MED12L: variants seen among roughly 807,000 people sequenced by gnomAD.
MED12L encodes mediator of RNA polymerase II transcription subunit 12-like protein.
Under a neutral mutation model 281.3 loss-of-function variants are expected in MED12L, and 60 were observed. That is an observed-to-expected ratio of 0.21 (90% confidence interval 0.17 to 0.26). The LOEUF (loss-of-function observed/expected upper bound fraction) is 0.26, where lower values mean the gene tolerates loss of function less well. MED12L is among the 10% of genes least tolerant of loss of function. MED12L has a pLI of 1.00. For synonymous variants in MED12L, 974 were observed against 987.2 expected (o/e 0.99, Z 0.25); for missense variants, 2,146 against 2,680.9 (o/e 0.80, Z 4.41).
At chr3:151,206,739 G>A (rs1484059539) in intron 16 of MED12L, among the ~76,000 whole-genome samples, 4 of 133,100 alleles carry the variant, frequency 3.0e-5, no homozygotes, top group Non-Finnish European at 4.6e-5. Flanking sequence ...CCGTCTCCCA[G>A]GTTCACGCCG....
At chr3:151,244,743 C>A (rs373711255) in intron 16 of MED12L, among the ~76,000 whole-genome samples, 316 of 151,870 alleles carry the variant, frequency 2.1e-3, no homozygotes, top group Middle Eastern at 6.8e-3. Flanking sequence ...CAAAAGCTAG[C>A]AGAAGGCAAG....
rs192075834 is a variant in MED12L at position 151,335,337 on chromosome 3, G to T, written c.2251-14722G>T. Among the ~76,000 whole-genome samples, 586 of 152,126 alleles carry T rather than the reference G, an allele frequency of 3.9e-3. 5 individuals carry two copies. Among genetic ancestry groups the T allele is most frequent in the African/African-American group, 0.014 (569 of 41,496 alleles). On this transcript the variant is annotated intron_variant, in intron 16 of 44. Coordinates refer to ENST00000687756, the MANE Select transcript of MED12L (RefSeq NM_001393769.1). Reference sequence around the variant, plus strand: ...TCTCATAAATATGTACAGTTATTATGTATCCATAACAATTAAAAACAAAAA... The same window carrying T: ...TCTCATAAATATGTACAGTTATTATTTATCCATAACAATTAAAAACAAAAA...
intron 16 of MED12L, among the ~76,000 whole-genome samples, chr3:151,247,085 T>A (rs1012066262): frequency 5.9e-5 from 9 of 152,092 alleles, no homozygotes; most frequent in Non-Finnish European, 1.0e-4. Context: ...ACCAGTTAGA[T>A]TGGCAATAAT....
intron 2 of MED12L, among the ~76,000 whole-genome samples, chr3:151,088,924 C>T (rs1018585608): frequency 1.3e-5 from 2 of 152,134 alleles, no homozygotes; most frequent in African/African-American, 4.8e-5. Context: ...AATGTTTTAA[C>T]TCTCCCAAGC....
chr3:151,272,744 T>A (rs1003356562), intron 16 of MED12L, among the ~76,000 whole-genome samples: 2 of 152,020 alleles, frequency 1.3e-5, no homozygotes, highest in Non-Finnish European at 2.9e-5. Flanking sequence ...AGTTGTAGAT[T>A]TTCTTCCTTG....
At chr3:151,118,675 T>G (rs1441960994) in intron 3 of MED12L, among the ~76,000 whole-genome samples, 1 of 150,606 alleles carries the variant, frequency 6.6e-6, no homozygotes, top group Admixed American at 6.6e-5. Flanking sequence ...TGAGACGTAT[T>G]CCAGGTTTAT....
chr3:151,297,190 C>T (rs1745216517), intron 16 of MED12L, among the ~76,000 whole-genome samples: 1 of 152,214 alleles, frequency 6.6e-6, no homozygotes, highest in African/African-American at 2.4e-5. Flanking sequence ...ATCTATATCA[C>T]TGCTGCCAGT....
chr3:151,323,028 A>C (rs1032407342), intron 16 of MED12L, among the ~76,000 whole-genome samples: 1 of 152,198 alleles, frequency 6.6e-6, no homozygotes, highest in Non-Finnish European at 1.5e-5. Flanking sequence ...ATGACCTAGC[A>C]AATCGTTCAA....
At chr3:151,271,850 T>C (rs781188436) in intron 16 of MED12L, among the ~76,000 whole-genome samples, 1 of 152,198 alleles carries the variant, frequency 6.6e-6, no homozygotes, top group South Asian at 2.1e-4. Flanking sequence ...AAATTAGGAA[T>C]GTAGATGGCT....
At chr3:151,376,448 G>C (rs1756865868) in intron 28 of MED12L, among the ~76,000 whole-genome samples, 1 of 152,098 alleles carries the variant, frequency 6.6e-6, no homozygotes, top group South Asian at 2.1e-4. Flanking sequence ...GTATTTACAT[G>C]AGAAATATGC....
rs768928367 is a variant in MED12L, at chr3:151,365,234, A to T, written c.3185+28A>T. ...GAGATGGGTTACCCTGGAATTCATG[A>T]TTAACCAAAGAGTTGTTGCCTTGGT... On this transcript the variant is annotated intron_variant, in intron 22 of 44. Transcript: ENST00000687756. 11 of 1,577,716 alleles carry T rather than the reference A, an allele frequency of 7.0e-6. No homozygotes were observed. The East Asian group carries it at 2.2e-4, about 32-fold the overall frequency.
chr3:151,288,377 G>C (rs953008477), intron 16 of MED12L, among the ~76,000 whole-genome samples: 18 of 152,160 alleles, frequency 1.2e-4, no homozygotes, highest in African/African-American at 4.3e-4. Flanking sequence ...ATAGACACCA[G>C]CCTAATTTTT....
chr3:151,180,379 T>C (rs898032463), intron 11 of MED12L, among the ~76,000 whole-genome samples: 14 of 152,224 alleles, frequency 9.2e-5, no homozygotes, highest in African/African-American at 3.4e-4. Context: ...TCCTCCACTC[T>C]AGAAATGTCT....
At chr3:151,268,802 T>A (rs1245689867) in intron 16 of MED12L, among the ~76,000 whole-genome samples, 2 of 152,228 alleles carry the variant, frequency 1.3e-5, no homozygotes, top group African/African-American at 2.4e-5. Context: ...CAATTTAAGA[T>A]GTATCATAGA....
chr3:151,409,239 C>T lies in MED12L; in HGVS notation c.5821-4C>T, dbSNP rs1716687966. On this transcript the variant is annotated splice_region_variant and splice_polypyrimidine_tract_variant and intron_variant, in intron 39 of 44. Transcript: ENST00000687756. ...CAAGAGTTTGCTTTGGCTTTGTTTT[C>T]CAGGGCCAGCCGGGGGACCAGGCTG... 2 of 1,584,344 alleles carry T rather than the reference C, an allele frequency of 1.3e-6. No individual in the cohort carries two copies. The highest frequency in any genetic ancestry group is 2.3e-5 in the East Asian group (1 of 44,348).
chr3:151,198,184 G>A (rs1209707461), intron 16 of MED12L: 1 of 335,764 alleles, frequency 3.0e-6, no homozygotes, highest in Middle Eastern at 8.2e-4. Context: ...TTTTACATTC[G>A]TTCAATGAGA....
At chr3:151,284,596 ATGTTTGTTTGTT>A (rs367758894) in intron 16 of MED12L, among the ~76,000 whole-genome samples, 1 of 151,960 alleles carries the variant, frequency 6.6e-6, no homozygotes, top group Admixed American at 6.6e-5. Context: ...TTTTTTATGT[ATGTTTGTTTGTT>A]TGTTTGTTTG....
intron 35 of MED12L, 95 bp downstream of exon 35, chr3:151,384,313 T>C: frequency 1.6e-6 from 2 of 1,240,134 alleles, no homozygotes; most frequent in Non-Finnish European, 2.2e-6. Flanking sequence ...TGTTATTAAT[T>C]GTATTCAACT....
chr3:151,148,859 T>C (rs139823136), intron 5 of MED12L, among the ~76,000 whole-genome samples: 21 of 152,364 alleles, frequency 1.4e-4, no homozygotes, highest in Admixed American at 9.8e-4. Context: ...AGGAAATTTA[T>C]TGAAAAAGAA....
Sources: allele counts gnomAD v4.1 joint callset (sites outside exome capture counted in the v4.1 genomes callset), GRCh38; gene constraint gnomAD v4.1.1; transcripts MANE v1.5; gene names NCBI Gene and HGNC (gene_info 2026-07-23, HGNC 2026-07-21).